Variants in SLC9A9 observed in about 807,000 individuals in gnomAD.
SLC9A9 encodes the protein sodium/hydrogen exchanger 9.
SLC9A9 carries 62 observed loss-of-function variants against 77.8 expected under a neutral mutation model. The observed-to-expected ratio is 0.80, with a 90% CI of 0.65 to 0.98. SLC9A9 has a LOEUF of 0.98. SLC9A9 is among the 50% of genes least tolerant of loss of function. SLC9A9 has a pLI of 0.00. For synonymous variants in SLC9A9, 320 were observed against 283.5 expected (o/e 1.13, Z -1.29); for missense variants, 775 against 774.9 (o/e 1.00, Z 0.00).
intron 2 of SLC9A9, among the ~76,000 whole-genome samples, chr3:143,810,720 A>AT (rs545969550): frequency 1.4e-4 from 22 of 151,742 alleles, no homozygotes; most frequent in African/African-American, 5.1e-4. Context: ...GCAATTGCTG[A>AT]TTTTTTTTTA....
At chr3:143,359,239 A>G (rs2032673774) in intron 14 of SLC9A9, among the ~76,000 whole-genome samples, 1 of 151,960 alleles carries the variant, frequency 6.6e-6, no homozygotes, top group South Asian at 2.1e-4. Flanking sequence ...TTGAGTGTCC[A>G]CTCCCTGCCA....
intron 6 of SLC9A9, among the ~76,000 whole-genome samples, chr3:143,606,442 A>C (rs1367054156): frequency 0.012 from 1,235 of 98,984 alleles, 15 homozygotes; most frequent in African/African-American, 0.034. Flanking sequence ...CTCTCTATAT[A>C]TATATATATA....
intron 4 of SLC9A9, among the ~76,000 whole-genome samples, chr3:143,787,438 C>T (rs1311730596): frequency 6.6e-6 from 1 of 152,140 alleles, no homozygotes; most frequent in East Asian, 1.9e-4. Context: ...TTTTAATTCC[C>T]CTGCTTACTA....
At chr3:143,430,045 C>T (rs543827261) in intron 12 of SLC9A9, among the ~76,000 whole-genome samples, 1 of 152,296 alleles carries the variant, frequency 6.6e-6, no homozygotes, top group South Asian at 2.1e-4. Flanking sequence ...TAGGTTCAAG[C>T]CACAGCGGCT....
chr3:143,735,157 A>G (rs1197858388), intron 4 of SLC9A9, among the ~76,000 whole-genome samples: 1 of 152,246 alleles, frequency 6.6e-6, no homozygotes, highest in Non-Finnish European at 1.5e-5. Context: ...AAAAATGAAA[A>G]TAAATTCTCT....
chr3:143,735,852 A>G (rs1234667122), intron 4 of SLC9A9, among the ~76,000 whole-genome samples: 1 of 152,232 alleles, frequency 6.6e-6, no homozygotes, highest in Non-Finnish European at 1.5e-5. Context: ...ACCATGTGAC[A>G]TTGAGCAAGC....
chr3:143,832,891 A>T (rs2009472788), intron 1 of SLC9A9, among the ~76,000 whole-genome samples: 1 of 151,944 alleles, frequency 6.6e-6, no homozygotes. Flanking sequence ...CCTAACTCTA[A>T]ACTTCTTGCT....
intron 9 of SLC9A9, among the ~76,000 whole-genome samples, chr3:143,537,165 C>G (rs1277712858): frequency 6.6e-6 from 1 of 152,204 alleles, no homozygotes. Context: ...TCTAGATGCT[C>G]AACTCTGGCC....
At chr3:143,752,422 G>A (rs921763781) in intron 4 of SLC9A9, among the ~76,000 whole-genome samples, 9 of 152,208 alleles carry the variant, frequency 5.9e-5, no homozygotes, top group African/African-American at 2.2e-4. Flanking sequence ...TTTAACACAA[G>A]AGATGCTCAC....
intron 6 of SLC9A9, among the ~76,000 whole-genome samples, chr3:143,612,469 C>A (rs2038038254): frequency 6.6e-6 from 1 of 152,138 alleles, no homozygotes; most frequent in Non-Finnish European, 1.5e-5. Flanking sequence ...CAGGGTGGTA[C>A]CCCTGTGCTC....
Position 143,621,981 on chromosome 3 carries a change from T to A in SLC9A9, c.755+30274A>T, listed in dbSNP as rs892496443. Among the ~76,000 whole-genome samples, 3 of 152,142 alleles carry A rather than the reference T, an allele frequency of 2.0e-5. No individual in the cohort carries two copies. In the South Asian group the frequency reaches 6.2e-4, roughly 32 times the overall value. Reference sequence around the variant, plus strand: ...TACATGACAAATGAACAAGCCTCAGTAGCCAATTCAATCAACTGGAAGAAA... The same window carrying A: ...TACATGACAAATGAACAAGCCTCAGAAGCCAATTCAATCAACTGGAAGAAA... On this transcript the variant is annotated intron_variant, in intron 6 of 15. Transcript: ENST00000316549.
At chr3:143,458,491 T>C (rs1242317035) in intron 12 of SLC9A9, among the ~76,000 whole-genome samples, 1 of 152,106 alleles carries the variant, frequency 6.6e-6, no homozygotes, top group African/African-American at 2.4e-5. Flanking sequence ...GTTTTCTCTA[T>C]TTTTCCCCTC....
chr3:143,791,899 G>A lies in SLC9A9; in HGVS notation c.533+3102C>T, dbSNP rs75015612. Among the ~76,000 whole-genome samples, 217 of 152,264 alleles carry A rather than the reference G, an allele frequency of 1.4e-3. 3 individuals are homozygous for A. In the East Asian group the frequency reaches 0.031, roughly 22 times the overall value. On this transcript the variant is annotated intron_variant, in intron 4 of 15. Coordinates refer to ENST00000316549, the MANE Select transcript of SLC9A9 (RefSeq NM_173653.4). ...ACTCCTACTGGGATAATGAAGAAAC[G>A]TGGTTATGTTGATGAATATTGATTG...
intron 6 of SLC9A9, among the ~76,000 whole-genome samples, chr3:143,628,357 G>A (rs1165192209): frequency 6.6e-6 from 1 of 152,154 alleles, no homozygotes; most frequent in Non-Finnish European, 1.5e-5. Flanking sequence ...ATGTGCTCAG[G>A]TCACTTACAT....
rs138703709 is a variant in SLC9A9, at chr3:143,447,729, G to C, written c.1469+19308C>G. Among the ~76,000 whole-genome samples, 499 of 152,284 alleles carry C rather than the reference G, an allele frequency of 3.3e-3. 7 individuals are homozygous for C. Among genetic ancestry groups the C allele is most frequent in the African/African-American group, 0.011 (471 of 41,544 alleles). On this transcript the variant is annotated intron_variant, in intron 12 of 15. Coordinates refer to ENST00000316549, the MANE Select transcript of SLC9A9 (RefSeq NM_173653.4). ...TTTGAGAAAAGCAAACAGGAGAATA[G>C]AGCATCGTTGTCTGTCTAAAGATGG...
intron 4 of SLC9A9, among the ~76,000 whole-genome samples, chr3:143,722,007 T>A (rs997342264): frequency 6.6e-6 from 1 of 152,214 alleles, no homozygotes; most frequent in African/African-American, 2.4e-5. Context: ...GAAAAAATTT[T>A]AAAAGTAAAC....
chr3:143,283,288 G>A (rs1456098030), intron 14 of SLC9A9, among the ~76,000 whole-genome samples: 3 of 152,218 alleles, frequency 2.0e-5, no homozygotes, highest in Non-Finnish European at 2.9e-5. Context: ...GGACAGGGGT[G>A]TAGGAGACGG....
intron 13 of SLC9A9, among the ~76,000 whole-genome samples, chr3:143,378,166 A>G (rs370812769): frequency 2.6e-4 from 39 of 152,312 alleles, no homozygotes; most frequent in East Asian, 5.8e-4. Flanking sequence ...GTGTCCCCCA[A>G]TAGAGTATAT....
At chr3:143,329,766 C>T (rs6777691) in intron 14 of SLC9A9, among the ~76,000 whole-genome samples, 48,154 of 151,840 alleles carry the variant, frequency 0.32, 8,406 homozygotes, top group African/African-American at 0.47. Context: ...GGCATCCCAG[C>T]TGCAGGACCT....
Sources: gnomAD v4.1 joint callset for allele counts (sites outside exome capture counted in the v4.1 genomes callset) on GRCh38, gnomAD v4.1.1 for gene constraint, MANE v1.5 for transcripts, NCBI Gene and HGNC (gene_info 2026-07-23, HGNC 2026-07-21) for gene names.